SLC13A1: variants seen among roughly 807,000 people sequenced by gnomAD.
SLC13A1 encodes solute carrier family 13 member 1.
SLC13A1 carries 65 observed loss-of-function variants against 70.0 expected under a neutral mutation model. That is an observed-to-expected ratio of 0.93 (90% CI 0.76 to 1.14). The LOEUF (loss-of-function observed/expected upper bound fraction) is 1.14. SLC13A1 is among the 50% of genes most tolerant of loss of function. SLC13A1 has a pLI of 0.00. For synonymous variants in SLC13A1, 275 were observed against 250.5 expected, an observed-to-expected ratio of 1.10 and a Z score of -0.92; for missense variants, 726 against 717.8, an observed-to-expected ratio of 1.01 and a Z score of -0.13.
At chr7:123,178,458 T>A (rs1311664408) in intron 2 of SLC13A1, among the ~76,000 whole-genome samples, 1 of 152,158 alleles carries the variant, frequency 6.6e-6, no homozygotes, top group Non-Finnish European at 1.5e-5. Context: ...TTAAACCTAG[T>A]AAGAATGCTT....
chr7:123,153,148 G>A (rs542438735), intron 6 of SLC13A1, among the ~76,000 whole-genome samples: 1 of 152,036 alleles, frequency 6.6e-6, no homozygotes, highest in East Asian at 1.9e-4. Context: ...AAAAGACACT[G>A]GATGATATAA....
At chr7:123,157,372 G>T (rs867083649) in intron 6 of SLC13A1, among the ~76,000 whole-genome samples, 3 of 152,192 alleles carry the variant, frequency 2.0e-5, no homozygotes, top group South Asian at 2.1e-4. Context: ...TGTTTATAAA[G>T]TAATAAACAT....
intron 12 of SLC13A1, among the ~76,000 whole-genome samples, 199 bp from the exon 13 acceptor site, chr7:123,119,441 G>A (rs1222304900): frequency 2.0e-5 from 3 of 151,796 alleles, no homozygotes; most frequent in African/African-American, 7.3e-5. Flanking sequence ...TTTTGACACT[G>A]GGAACATGGT....
intron 7 of SLC13A1, among the ~76,000 whole-genome samples, chr7:123,140,731 A>G (rs909557945): frequency 1.3e-5 from 2 of 152,156 alleles, no homozygotes; most frequent in East Asian, 3.9e-4. Context: ...CATAGTCACT[A>G]CTAATGATCC....
intron 7 of SLC13A1, among the ~76,000 whole-genome samples, chr7:123,139,221 CTGT>C (rs1238583376): frequency 4.6e-5 from 7 of 152,136 alleles, no homozygotes; most frequent in Non-Finnish European, 1.0e-4. Flanking sequence ...AATGAGTTCA[CTGT>C]AGGTGTATGG....
Position 123,128,887 on chromosome 7 carries a change from C to T in SLC13A1, c.1091G>A (p.Arg364Gln), listed in dbSNP as rs138989506. Residue 364 changes from arginine (R) to glutamine (Q), a missense_variant, in exon 10 of 15, where the codon CGA (arginine) becomes CAA (glutamine). Coordinates refer to ENST00000194130, the MANE Select transcript of SLC13A1 (RefSeq NM_022444.4). ...CCAACCAGGAACAAATCCGGGGTCT[C>T]GACTAAACCATAGCAGAGCCATTAT... is the stretch of plus-strand genomic sequence containing the variant. ...FIIMALLWFS[R>Q]DPGFVPGWSA... The T allele has an allele frequency of 9.5e-4, 1,525 of 1,613,492 alleles. 19 individuals carry two copies. Among genetic ancestry groups the T allele is most frequent in the South Asian group, 1.5e-3 (137 of 91,058 alleles).
Position 123,169,349 on chromosome 7 carries a change from G to A in SLC13A1, c.366-14C>T. 6.2e-7 allele frequency: 1 copy of A among 1,608,986 alleles called. No individual in the cohort carries two copies. Among genetic ancestry groups the A allele is most frequent in the South Asian group, 1.1e-5 (1 of 90,992 alleles). ...CCCAGCGTCAGCCTGAAACCAGAGA[G>A]CCATTATTGTGGAGCTGTGCTCTTA... On this transcript the variant is annotated splice_polypyrimidine_tract_variant and intron_variant, in intron 3 of 14. Coordinates refer to ENST00000194130, the MANE Select transcript of SLC13A1 (RefSeq NM_022444.4).
In SLC13A1 at chr7:123,128,962, AATGGC is replaced by A. The variant is rs1392748209; in HGVS notation, c.1032-21_1032-17del. The A allele has an allele frequency of 6.5e-7, 1 of 1,528,100 alleles. No homozygotes were observed. The highest frequency in any genetic ancestry group is 9.1e-7 in the Non-Finnish European group (1 of 1,102,540). 94.7% of individuals were successfully genotyped at this position (1,528,100 alleles called of 1,614,324 possible). ...TTCTTGATACCTGTGGAAAAATTCC[AATGGC>A]ATCACTTCTTATTTTCTCAGTCGGG... On this transcript the variant is annotated splice_polypyrimidine_tract_variant and intron_variant, in intron 9 of 14. Coordinates refer to ENST00000194130, the MANE Select transcript of SLC13A1 (RefSeq NM_022444.4).
chr7:123,140,758 A>G (rs1279910259), intron 7 of SLC13A1, among the ~76,000 whole-genome samples: 3 of 152,082 alleles, frequency 2.0e-5, no homozygotes, highest in African/African-American at 7.2e-5. Flanking sequence ...TTTCTGCAGT[A>G]TCAGCTATAA....
chr7:123,199,759 G>C (rs1796293682), intron 1 of SLC13A1, 89 bp downstream of exon 1: 2 of 942,668 alleles, frequency 2.1e-6, no homozygotes, highest in Non-Finnish European at 3.3e-6. Context: ...ATTCAGCTCT[G>C]AGCCAGGCAG....
chr7:123,189,777 A>G (rs1161060833), intron 1 of SLC13A1, among the ~76,000 whole-genome samples: 1 of 152,018 alleles, frequency 6.6e-6, no homozygotes, highest in Admixed American at 6.5e-5. Context: ...TCTAATTACA[A>G]TCCTTTTGGA....
intron 1 of SLC13A1, among the ~76,000 whole-genome samples, chr7:123,195,589 A>G (rs888074647): frequency 6.6e-6 from 1 of 151,756 alleles, no homozygotes; most frequent in Non-Finnish European, 1.5e-5. Context: ...CCATCTGTTT[A>G]TTTTATTTTT....
At chr7:123,147,542 C>A (rs1182951823) in intron 6 of SLC13A1, among the ~76,000 whole-genome samples, 2 of 150,112 alleles carry the variant, frequency 1.3e-5, no homozygotes, top group Admixed American at 1.3e-4. Context: ...TGATTCCTCT[C>A]TCTCTCTCTC....
chr7:123,184,196 C>T (rs75656417), intron 1 of SLC13A1, among the ~76,000 whole-genome samples: 2,115 of 152,080 alleles, frequency 0.014, 25 homozygotes, highest in Non-Finnish European at 0.023. Flanking sequence ...CAACATGGTG[C>T]TTTGAAGTAT....
Position 123,184,573 on chromosome 7 carries a change from C to A in SLC13A1, c.100-3472G>T, listed in dbSNP as rs1795739253. Reference sequence around the variant, plus strand: ...TCCTTCAGGTTCATACATGTTGTAACAAATGACAGGATTTTCTTCATTTTA... The same window carrying A: ...TCCTTCAGGTTCATACATGTTGTAAAAAATGACAGGATTTTCTTCATTTTA... On this transcript the variant is annotated intron_variant, in intron 1 of 14. Coordinates refer to ENST00000194130, the MANE Select transcript of SLC13A1 (RefSeq NM_022444.4). 3.3e-5 allele frequency among the ~76,000 whole-genome samples: 5 copies of A among 152,000 alleles called. No individual in the cohort carries two copies. In the South Asian group the frequency reaches 1.0e-3, roughly 32 times the overall value.
chr7:123,132,938 T>C (rs1318346527), intron 8 of SLC13A1, among the ~76,000 whole-genome samples: 1 of 152,236 alleles, frequency 6.6e-6, no homozygotes, highest in Admixed American at 6.5e-5. Flanking sequence ...TTGGTACTTA[T>C]GACCTACCAG....
rs766787346 is a variant in SLC13A1 at position 123,147,228 on chromosome 7, G to A, written c.743C>T (p.Ser248Phe). ...GATTGTTGTCAGTCCACCAATGGTA[G>A]AAGAGTAGGCAATGCACAAACACGT... ...KLTCLCIAYS[S>F]TIGGLTTITG... The change falls in exon 7 of 15, where the codon TCT becomes TTT. Residue 248 changes from serine (S) to phenylalanine (F), a missense_variant. Transcript: ENST00000194130. 1 of 1,613,776 alleles carries A rather than the reference G, an allele frequency of 6.2e-7. No homozygotes were observed.
intron 13 of SLC13A1, 125 bp from the exon 14 acceptor site, chr7:123,117,733 A>C: frequency 2.0e-6 from 1 of 508,478 alleles, no homozygotes; most frequent in East Asian, 3.0e-5. Flanking sequence ...ATAAAATTAT[A>C]TAAATTATTG....
intron 2 of SLC13A1, 56 bp downstream of exon 2, chr7:123,180,917 T>C (rs1795615827): frequency 6.5e-7 from 1 of 1,547,046 alleles, no homozygotes; most frequent in Non-Finnish European, 8.8e-7. Context: ...CTTTTCTCAA[T>C]GGAAATCTCA....
Sources: gnomAD v4.1 joint callset for allele counts (sites outside exome capture counted in the v4.1 genomes callset) on GRCh38, gnomAD v4.1.1 for gene constraint, MANE v1.5 for transcripts, NCBI Gene and HGNC (gene_info 2026-07-23, HGNC 2026-07-21) for gene names.